Variants in RAPGEF4 observed in about 807,000 individuals in gnomAD.
RAPGEF4 encodes the protein Rap guanine nucleotide exchange factor 4, also known as RAP guanine-nucleotide-exchange factor (GEF) 4.
Under a neutral mutation model 147.9 loss-of-function variants are expected in RAPGEF4, and 66 were observed. The observed-to-expected ratio is 0.45, with a 90% confidence interval of 0.37 to 0.55. The LOEUF is 0.55. Ranked by LOEUF, RAPGEF4 falls within the 20% of genes least tolerant of loss-of-function variation. The pLI, the probability that RAPGEF4 is intolerant of heterozygous loss-of-function variation, is 0.00. For missense variants in RAPGEF4, 1,071 were observed against 1,257.3 expected, an observed-to-expected ratio of 0.85 and a Z score of 2.24; for synonymous variants, 419 against 442.7, an observed-to-expected ratio of 0.95 and a Z score of 0.67.
chr2:172,784,194 C>T (rs943794391), intron 1 of RAPGEF4, among the ~76,000 whole-genome samples: 1 of 152,246 alleles, frequency 6.6e-6, no homozygotes, highest in East Asian at 1.9e-4. Flanking sequence ...ATTCGCCTGT[C>T]ATACAGATGA....
At chr2:172,822,760 G>T (rs1227706578) in intron 4 of RAPGEF4, among the ~76,000 whole-genome samples, 1 of 152,170 alleles carries the variant, frequency 6.6e-6, no homozygotes, top group Non-Finnish European at 1.5e-5. Flanking sequence ...CACTAGCCAG[G>T]ACTCTGTTGA....
intron 4 of RAPGEF4, among the ~76,000 whole-genome samples, chr2:172,898,685 A>C (rs1306308470): frequency 6.6e-6 from 1 of 152,122 alleles, no homozygotes; most frequent in Non-Finnish European, 1.5e-5. Context: ...TTCAGGAGAG[A>C]TTCCCCTGGG....
intron 4 of RAPGEF4, 143 bp downstream of exon 4, chr2:172,814,568 G>C: frequency 4.8e-6 from 5 of 1,044,010 alleles, no homozygotes; most frequent in Non-Finnish European, 7.1e-6. Context: ...ACTTGTTTTT[G>C]AAATGAGTGA....
chr2:172,832,819 T>C (rs545479569), intron 4 of RAPGEF4, among the ~76,000 whole-genome samples: 1 of 152,356 alleles, frequency 6.6e-6, no homozygotes, highest in East Asian at 1.9e-4. Context: ...CTATCTTTCC[T>C]TTACTTTAAT....
At chr2:172,957,771 T>C (rs988069381) in intron 6 of RAPGEF4, among the ~76,000 whole-genome samples, 3 of 152,224 alleles carry the variant, frequency 2.0e-5, no homozygotes, top group Non-Finnish European at 4.4e-5. Context: ...TGAAATACCC[T>C]CTTGGTCCTG....
rs778643825 is a variant in RAPGEF4, at chr2:172,961,155, A to T, written c.625A>T (p.Ile209Phe). 2 of 1,613,078 alleles carry T rather than the reference A, an allele frequency of 1.2e-6. No individual in the cohort carries two copies. Among genetic ancestry groups the T allele is most frequent in the East Asian group, 4.5e-5 (2 of 44,872 alleles). The change falls in exon 8 of 31, where the codon ATT becomes TTT. Residue 209 changes from isoleucine (I) to phenylalanine (F), a missense_variant. Transcript: ENST00000397081. ...PSEKILRAGK[I>F]LRNAILSRAP... ...AGAGAAGATCCTCAGAGCTGGAAAA[A>T]TTTTACGAAATGCCATTCTCTCTCG...
chr2:172,821,728 A>G, intron 4 of RAPGEF4: 1 of 1,121,214 alleles, frequency 8.9e-7, no homozygotes, highest in South Asian at 3.8e-5. Context: ...ATTAGGAGCT[A>G]ACTAAAGTTA....
chr2:172,780,189 T>TA (rs796641610), intron 1 of RAPGEF4, among the ~76,000 whole-genome samples: 5 of 152,320 alleles, frequency 3.3e-5, no homozygotes, highest in African/African-American at 9.6e-5. Flanking sequence ...AGAAGTTTAT[T>TA]AACATGTATT....
intron 4 of RAPGEF4, among the ~76,000 whole-genome samples, chr2:172,820,809 AG>A (rs1171086968): frequency 6.6e-6 from 1 of 152,268 alleles, no homozygotes; most frequent in African/African-American, 2.4e-5. Flanking sequence ...CCTAATTTTC[AG>A]AATGTTTATT....
At chr2:172,754,753 A>T (rs1695603976) in intron 1 of RAPGEF4, among the ~76,000 whole-genome samples, 1 of 152,280 alleles carries the variant, frequency 6.6e-6, no homozygotes. Context: ...TTTTTAAAAA[A>T]ATCCTCAGGC....
intron 4 of RAPGEF4, among the ~76,000 whole-genome samples, chr2:172,909,778 A>C (rs1181815826): frequency 6.6e-6 from 1 of 152,230 alleles, no homozygotes; most frequent in East Asian, 1.9e-4. Context: ...TTAAACTTCT[A>C]TAAAGATATG....
intron 4 of RAPGEF4, among the ~76,000 whole-genome samples, chr2:172,857,937 A>C (rs1693628323): frequency 7.7e-6 from 1 of 129,422 alleles, no homozygotes; most frequent in South Asian, 2.7e-4. Context: ...AAAAAAAAAA[A>C]AGGAAACTGG....
chr2:172,738,921 A>G (rs1694054724), intron 1 of RAPGEF4, among the ~76,000 whole-genome samples: 1 of 152,248 alleles, frequency 6.6e-6, no homozygotes, highest in South Asian at 2.1e-4. Context: ...ACAAAACACA[A>G]GGAAAATAGA....
chr2:172,748,396 G>A (rs1469793764), intron 1 of RAPGEF4, among the ~76,000 whole-genome samples: 3 of 152,130 alleles, frequency 2.0e-5, no homozygotes, highest in Non-Finnish European at 2.9e-5. Context: ...TTATAATCAT[G>A]GCAGAAGGTG....
chr2:172,892,158 A>G (rs1697995824), intron 4 of RAPGEF4, among the ~76,000 whole-genome samples: 1 of 152,114 alleles, frequency 6.6e-6, no homozygotes, highest in African/African-American at 2.4e-5. Context: ...GCAGTCTTAG[A>G]TATTCCTGAG....
chr2:172,755,538 T>C (rs947104291), intron 1 of RAPGEF4, among the ~76,000 whole-genome samples: 3 of 152,088 alleles, frequency 2.0e-5, no homozygotes, highest in African/African-American at 7.2e-5. Flanking sequence ...GGATTACATG[T>C]GTGCACCACC....
At chr2:173,046,031 G>A (rs923300244) in intron 29 of RAPGEF4, among the ~76,000 whole-genome samples, 8 of 152,134 alleles carry the variant, frequency 5.3e-5, no homozygotes, top group East Asian at 1.9e-4. Flanking sequence ...TGCATTGACC[G>A]GGAATGCTAG....
chr2:172,922,872 C>T (rs1473724503), intron 6 of RAPGEF4, among the ~76,000 whole-genome samples: 2 of 152,108 alleles, frequency 1.3e-5, no homozygotes, highest in African/African-American at 4.8e-5. Flanking sequence ...AGTGGCATAC[C>T]TTTGCATGCA....
Position 172,814,414 on chromosome 2 carries a change from G to T in RAPGEF4, c.433G>T (p.Ala145Ser), listed in dbSNP as rs761692592. The change falls in exon 4 of 31, where the codon GCA becomes TCA. Residue 145 changes from alanine to serine, a missense_variant. Coordinates refer to ENST00000397081, the MANE Select transcript of RAPGEF4 (RefSeq NM_007023.4). ...LLRIEQKDFK[A>S]LWEKYRQYMA... ...CCGCATCGAGCAGAAGGACTTCAAGGCACTATGGGAGGTGAGCCCTAAGGC... is the reference window on the plus strand; with the variant it reads ...CCGCATCGAGCAGAAGGACTTCAAGTCACTATGGGAGGTGAGCCCTAAGGC... The T allele has an allele frequency of 6.2e-7, 1 of 1,614,128 alleles. No individual in the cohort carries two copies. Among genetic ancestry groups the T allele is most frequent in the South Asian group, 1.1e-5 (1 of 91,080 alleles).
Sources: allele counts gnomAD v4.1 joint callset (sites outside exome capture counted in the v4.1 genomes callset), GRCh38; gene constraint gnomAD v4.1.1; transcripts MANE v1.5; gene names NCBI Gene and HGNC (gene_info 2026-07-23, HGNC 2026-07-21).